ANKH: variants seen among roughly 807,000 people sequenced by gnomAD.
ANKH encodes mineralization regulator ANKH.
ANKH carries 15 observed loss-of-function variants against 49.0 expected under a neutral mutation model. The ratio of observed to expected loss-of-function variants is 0.31; its 90% CI spans 0.20 to 0.47. The LOEUF (loss-of-function observed/expected upper bound fraction) is 0.47, where lower values mean the gene tolerates loss of function less well. Ranked by LOEUF, ANKH falls within the 20% of genes least tolerant of loss-of-function variation. The probability of loss-of-function intolerance (pLI) is 1.00; values close to 1 mark genes in which losing one functional copy is unlikely to be tolerated. For missense variants in ANKH, 429 were observed against 652.0 expected (o/e 0.66, Z 3.72); for synonymous variants, 273 against 260.0 (o/e 1.05, Z -0.48).
rs1561057893 is a variant in ANKH at position 14,793,046 on chromosome 5, AT to A, written c.97-23856del. On this transcript the variant is annotated intron_variant, in intron 1 of 11. Coordinates refer to ENST00000284268, the MANE Select transcript of ANKH (RefSeq NM_054027.6). ...AATATATATATATAAAAATATATAT[AT>A]AAATATATATAAAATATATATAAAT... Among the ~76,000 whole-genome samples, 121 of 46,482 alleles carry A rather than the reference AT, an allele frequency of 2.6e-3. 7 individuals carry two copies. Among genetic ancestry groups the A allele is most frequent in the African/African-American group, 8.1e-3 (103 of 12,710 alleles). The allele number at this position is 46,482 out of a possible 152,430, so 30.5% of individuals were successfully genotyped here.
chr5:14,846,711 G>A (rs563749326), intron 1 of ANKH, among the ~76,000 whole-genome samples: 73 of 152,256 alleles, frequency 4.8e-4, no homozygotes, highest in South Asian at 1.0e-3. Flanking sequence ...AACCTCAAGG[G>A]CCAAGGGTGG....
intron 8 of ANKH, among the ~76,000 whole-genome samples, chr5:14,726,230 C>T (rs1737818800): frequency 6.6e-6 from 1 of 152,144 alleles, no homozygotes; most frequent in African/African-American, 2.4e-5. Context: ...CTCGACTTTC[C>T]AGAGAGAGCT....
At position 14,710,313 on chromosome 5, in the gene ANKH, C is replaced by T. The variant is rs1227967533; in HGVS notation, c.*884G>A. 6.6e-6 allele frequency: 1 copy of T among 152,226 alleles called. No homozygotes were observed. Among genetic ancestry groups the T allele is most frequent in the Non-Finnish European group, 1.5e-5 (1 of 68,038 alleles). The allele number at this position is 152,226 out of a possible 1,614,324, so 9.4% of individuals were successfully genotyped here. A position where few individuals can be genotyped will look rare whatever the true frequency, so the allele number is the denominator to read the frequency against. ...TGCAAAGTTAGGATGCTCCATGTGA[C>T]TCGCTCTAATGCGACCTTCAGGAAA... On this transcript the variant is annotated 3_prime_UTR_variant, in exon 12 of 12. Transcript: ENST00000284268.
intron 1 of ANKH, among the ~76,000 whole-genome samples, chr5:14,790,224 G>T (rs1015953582): frequency 2.6e-5 from 4 of 152,158 alleles, no homozygotes; most frequent in African/African-American, 9.7e-5. Context: ...TCCATATGAA[G>T]ATAAAAGTAC....
intron 8 of ANKH, among the ~76,000 whole-genome samples, chr5:14,719,302 C>G (rs1402324426): frequency 6.6e-6 from 1 of 152,246 alleles, no homozygotes. Context: ...TTTCAATATT[C>G]AGGGCCTCAA....
At chr5:14,747,704 G>C (rs1738582892) in intron 6 of ANKH, among the ~76,000 whole-genome samples, 1 of 152,230 alleles carries the variant, frequency 6.6e-6, no homozygotes, top group Admixed American at 6.5e-5. Flanking sequence ...AGCTTCATCT[G>C]TTTTAATTAA....
At chr5:14,760,356 G>C (rs1191900768) in intron 2 of ANKH, among the ~76,000 whole-genome samples, 1 of 152,156 alleles carries the variant, frequency 6.6e-6, no homozygotes, top group Non-Finnish European at 1.5e-5. Flanking sequence ...GTAGAGGTTT[G>C]ACCTGGGAAG....
intron 1 of ANKH, chr5:14,868,288 T>C (rs6868959): frequency 2.2e-4 from 34 of 152,252 alleles, no homozygotes; most frequent in African/African-American, 8.2e-4. Flanking sequence ...TTTATCATCA[T>C]AAAACACCTC....
At chr5:14,860,600 T>C (rs548882643) in intron 1 of ANKH, among the ~76,000 whole-genome samples, 2 of 152,280 alleles carry the variant, frequency 1.3e-5, no homozygotes, top group South Asian at 4.1e-4. Context: ...CCAGTCGATC[T>C]CCAGGTGGTT....
intron 1 of ANKH, among the ~76,000 whole-genome samples, chr5:14,798,620 A>AAT (rs1320432679): frequency 6.6e-6 from 1 of 152,082 alleles, no homozygotes; most frequent in East Asian, 1.9e-4. Context: ...TAACTCTCGC[A>AAT]ATATTTCAAA....
At chr5:14,793,649 C>A (rs753903788) in intron 1 of ANKH, among the ~76,000 whole-genome samples, 1 of 152,232 alleles carries the variant, frequency 6.6e-6, no homozygotes, top group Admixed American at 6.5e-5. Flanking sequence ...CTCAATGGTG[C>A]TGTTCTCGCC....
intron 3 of ANKH, 40 bp downstream of exon 3, chr5:14,758,440 T>C (rs750041038): frequency 4.0e-6 from 6 of 1,487,556 alleles, no homozygotes. Context: ...TACCACCAGT[T>C]AAAGAAAAAG....
Position 14,740,001 on chromosome 5 carries a change from TA to T in ANKH, c.1011+1825del, listed in dbSNP as rs1490496139. On this transcript the variant is annotated intron_variant, in intron 8 of 11. Transcript: ENST00000284268. ...ATCATTTCAAAATAAACTTGCAGAA[TA>T]TTTTTTTTAGAAGTATAAATTATTG... Among the ~76,000 whole-genome samples the T allele has an allele frequency of 4.6e-5, 7 of 152,320 alleles. No individual in the cohort carries two copies. The South Asian group carries it at 6.2e-4, about 14-fold the overall frequency.
At chr5:14,847,418 C>A (rs538587122) in intron 1 of ANKH, among the ~76,000 whole-genome samples, 1 of 152,148 alleles carries the variant, frequency 6.6e-6, no homozygotes, top group Admixed American at 6.5e-5. Flanking sequence ...AGGTTCCACT[C>A]GGAAATCGCC....
chr5:14,797,583 G>C (rs1361107018), intron 1 of ANKH: 2 of 1,610,024 alleles, frequency 1.2e-6, no homozygotes, highest in Non-Finnish European at 8.5e-7. Context: ...CACTTCAGCA[G>C]TGTGAGTGTC....
rs2126403333 is a variant in ANKH at position 14,713,216 on chromosome 5, G to C, written c.1266-243C>G. Among the ~76,000 whole-genome samples the C allele has an allele frequency of 6.6e-6, 1 of 152,216 alleles. No homozygotes were observed. The highest frequency in any genetic ancestry group is 3.4e-3 in the Middle Eastern group (1 of 294). ...CCACAGCCCTTCCCACCCTCCCCAG[G>C]ACGCTGGGAGCTCCCTGAGCGCAGG... On this transcript the variant is annotated intron_variant, in intron 10 of 11. Transcript: ENST00000284268. The surrounding 1 kb of genome is among the most constrained non-coding windows in gnomAD (Gnocchi z 4.4).
At position 14,745,861 on chromosome 5, in the gene ANKH, G is replaced by A; in HGVS notation, c.915+9C>T. ...CATGTTTCAGACACGACACCGCACG[G>A]GTTCTCACCTTGTCGAAAGCAGGAT... On this transcript the variant is annotated intron_variant, in intron 7 of 11. Transcript: ENST00000284268. This position sits in a 1 kb window ranked among gnomAD's most constrained non-coding sequence, Gnocchi z 4.7. 1.2e-6 allele frequency: 2 copies of A among 1,613,762 alleles called. No homozygotes were observed. Among genetic ancestry groups the A allele is most frequent in the Non-Finnish European group, 1.7e-6 (2 of 1,179,678 alleles).
chr5:14,716,804 A>G lies in ANKH; in HGVS notation c.1043T>C (p.Val348Ala). 1 of 1,614,186 alleles carries G rather than the reference A, an allele frequency of 6.2e-7. No individual in the cohort carries two copies. Among genetic ancestry groups the G allele is most frequent in the Non-Finnish European group, 8.5e-7 (1 of 1,179,978 alleles). ...LCFVMFWTPN[V>A]SEKILIDIIG... is the part of the protein sequence containing the mutation. Reference sequence around the variant, plus strand: ...GATGTCTATCAAGATTTTCTCAGACACGTTGGGTGTCCAAAACATCACGAA... The same window carrying G: ...GATGTCTATCAAGATTTTCTCAGACGCGTTGGGTGTCCAAAACATCACGAA... Residue 348 changes from valine (V) to alanine (A), a missense_variant, in exon 9 of 12, where the codon GTG becomes GCG. Val to Ala is a moderately conservative substitution (Grantham distance 64). Coordinates refer to ENST00000284268, the MANE Select transcript of ANKH (RefSeq NM_054027.6).
At position 14,728,463 on chromosome 5, in the gene ANKH, C is replaced by T. The variant is rs1378682049; in HGVS notation, c.1012-11628G>A. Among the ~76,000 whole-genome samples the T allele has an allele frequency of 2.6e-5, 4 of 152,222 alleles. No individual in the cohort carries two copies. The East Asian group carries it at 7.7e-4, about 29-fold the overall frequency. On this transcript the variant is annotated intron_variant, in intron 8 of 11. Coordinates refer to ENST00000284268, the MANE Select transcript of ANKH (RefSeq NM_054027.6). ...CACCTTTGGTTCTTTTCTCATCCCCCATACACAAGAGAGGCATTTTCTTCC... is the reference window on the plus strand; with the variant it reads ...CACCTTTGGTTCTTTTCTCATCCCCTATACACAAGAGAGGCATTTTCTTCC...
Sources: gnomAD v4.1 joint callset for allele counts (sites outside exome capture counted in the v4.1 genomes callset) on GRCh38, gnomAD v4.1.1 for gene constraint, Gnocchi (gnomAD v3.1) non-coding constraint, MANE v1.5 for transcripts, NCBI Gene and HGNC (gene_info 2026-07-23, HGNC 2026-07-21) for gene names.